The following LRRC49 variants were observed in gnomAD, a reference collection of about 807,000 sequenced individuals.
LRRC49 encodes leucine-rich repeat-containing protein 49.
In LRRC49, 50 loss-of-function variants were observed where a neutral mutation model predicts 83.3. The ratio of observed to expected loss-of-function variants is 0.60; its 90% CI spans 0.48 to 0.76. The LOEUF is 0.76. Ranked by LOEUF, LRRC49 falls within the 30% of genes least tolerant of loss-of-function variation. The probability of loss-of-function intolerance (pLI) is 0.00; values close to 1 mark genes in which losing one functional copy is unlikely to be tolerated. For missense variants in LRRC49, 704 were observed against 809.1 expected, an observed-to-expected ratio of 0.87 and a Z score of 1.58; for synonymous variants, 286 against 283.3, an observed-to-expected ratio of 1.01 and a Z score of -0.10.
intron 7 of LRRC49, among the ~76,000 whole-genome samples, chr15:70,924,400 C>CT (rs2035120065): frequency 6.6e-6 from 1 of 151,676 alleles, no homozygotes; most frequent in African/African-American, 2.4e-5. Flanking sequence ...TTTCTTCTGT[C>CT]TTATTTTGGG....
At chr15:70,962,012 C>A (rs993688026) in intron 8 of LRRC49, among the ~76,000 whole-genome samples, 1 of 152,086 alleles carries the variant, frequency 6.6e-6, no homozygotes, top group Non-Finnish European at 1.5e-5. Flanking sequence ...AGGCACTGAT[C>A]TAAGAAACTT....
intron 6 of LRRC49, among the ~76,000 whole-genome samples, chr15:70,916,759 G>A (rs958204624): frequency 6.6e-5 from 10 of 152,132 alleles, no homozygotes; most frequent in Non-Finnish European, 1.2e-4. Flanking sequence ...GGAGCTCCCC[G>A]GGTGCTGCTG....
chr15:70,899,403 A>T (rs1011233015), intron 3 of LRRC49, among the ~76,000 whole-genome samples: 3 of 151,956 alleles, frequency 2.0e-5, no homozygotes, highest in Non-Finnish European at 4.4e-5. Flanking sequence ...TTGTTTTTTT[A>T]ACCATCTTGA....
At chr15:70,891,705 C>A (rs531065662), upstream of LRRC49, 19 of 751,952 alleles carry the variant, frequency 2.5e-5, 1 homozygote, top group South Asian at 3.7e-4. Flanking sequence ...TGGAGATCAC[C>A]TCTAAAGCAC....
chr15:71,008,746 T>G, intron 12 of LRRC49, 130 bp downstream of exon 12: 2 of 633,508 alleles, frequency 3.2e-6, no homozygotes, highest in South Asian at 4.5e-5. Flanking sequence ...TTTGTGTTGA[T>G]TTTCTTGAGC....
Position 70,963,941 on chromosome 15 carries a change from C to G in LRRC49, c.921+9C>G, listed in dbSNP as rs764409802. Reference sequence around the variant, plus strand: ...ATATGAAGAGAATCACGGTGAGAACCCTTCCAAAGTGTTCACCATGTTGTT... The same window carrying G: ...ATATGAAGAGAATCACGGTGAGAACGCTTCCAAAGTGTTCACCATGTTGTT... On this transcript the variant is annotated intron_variant, in intron 9 of 15. Coordinates refer to ENST00000260382, the MANE Select transcript of LRRC49 (RefSeq NM_017691.5). 6.2e-7 allele frequency: 1 copy of G among 1,610,754 alleles called. No individual in the cohort carries two copies. The highest frequency in any genetic ancestry group is 1.1e-5 in the South Asian group (1 of 90,368).
chr15:70,912,181 G>A (rs1205579888), intron 6 of LRRC49, among the ~76,000 whole-genome samples: 1 of 151,980 alleles, frequency 6.6e-6, no homozygotes, highest in African/African-American at 2.4e-5. Context: ...TATGTTCCAT[G>A]GTAAGACTAT....
At chr15:70,906,556 C>A (rs551907658) in intron 5 of LRRC49, among the ~76,000 whole-genome samples, 1 of 152,326 alleles carries the variant, frequency 6.6e-6, no homozygotes, top group South Asian at 2.1e-4. Flanking sequence ...TTAAGCACTG[C>A]TCCTGGTTCC....
intron 9 of LRRC49, among the ~76,000 whole-genome samples, chr15:70,974,354 G>A (rs1024180415): frequency 5.3e-5 from 8 of 152,142 alleles, no homozygotes; most frequent in Admixed American, 6.5e-5. Context: ...TGAGTAAATT[G>A]TATGACATGG....
intron 8 of LRRC49, among the ~76,000 whole-genome samples, chr15:70,941,782 T>C (rs1392210892): frequency 6.6e-6 from 1 of 152,194 alleles, no homozygotes; most frequent in Non-Finnish European, 1.5e-5. Context: ...CATTATAAAG[T>C]GGAGAGTGCT....
At chr15:70,964,385 A>C (rs2036718490) in intron 9 of LRRC49, among the ~76,000 whole-genome samples, 1 of 152,086 alleles carries the variant, frequency 6.6e-6, no homozygotes, top group South Asian at 2.1e-4. Context: ...GATCAGAATT[A>C]AGTCATAGGT....
intron 15 of LRRC49, among the ~76,000 whole-genome samples, chr15:71,041,311 CAA>C (rs747463532): frequency 2.4e-4 from 36 of 151,966 alleles, no homozygotes; most frequent in Admixed American, 1.9e-3. Context: ...TGCAATGAAA[CAA>C]GAGAAGGAAA....
chr15:70,882,555 T>C (rs1275048703), intron 2 of LRRC49: 1 of 1,613,936 alleles, frequency 6.2e-7, no homozygotes, highest in Non-Finnish European at 8.5e-7. Flanking sequence ...CTGGAGTAAA[T>C]GTCAAAGAGA....
intron 1 of LRRC49, among the ~76,000 whole-genome samples, chr15:70,866,109 GTAAAGTATT>G (rs1313564389): frequency 6.8e-6 from 1 of 147,878 alleles, no homozygotes; most frequent in Non-Finnish European, 1.5e-5. Context: ...TCTGGTACAT[GTAAAGTATT>G]TATTTATTTA....
At chr15:70,877,414 T>C (rs1774412365) in intron 2 of LRRC49, among the ~76,000 whole-genome samples, 1 of 152,252 alleles carries the variant, frequency 6.6e-6, no homozygotes, top group Non-Finnish European at 1.5e-5. Flanking sequence ...TAGATTTTTT[T>C]CTTTTCTAGA....
intron 4 of LRRC49, 150 bp downstream of exon 4, chr15:70,901,174 G>A (rs1302462040): frequency 1.9e-6 from 1 of 536,892 alleles, no homozygotes; most frequent in Non-Finnish European, 3.3e-6. Flanking sequence ...CCAGTTTTTT[G>A]CTTCTCCTTC....
At chr15:70,953,539 G>C (rs1319841831) in intron 8 of LRRC49, among the ~76,000 whole-genome samples, 1 of 152,134 alleles carries the variant, frequency 6.6e-6, no homozygotes, top group African/African-American at 2.4e-5. Context: ...TTTTTCTCTA[G>C]ATGCTTTTAA....
chr15:70,938,630 T>C (rs1372729371), intron 8 of LRRC49, among the ~76,000 whole-genome samples: 1 of 152,310 alleles, frequency 6.6e-6, no homozygotes, highest in East Asian at 1.9e-4. Flanking sequence ...TACAGATATC[T>C]CAGATAGCTG....
rs2034222096 is a variant in LRRC49, at chr15:70,904,602, T to C, written c.347T>C (p.Leu116Ser). 4 of 1,613,830 alleles carry C rather than the reference T, an allele frequency of 2.5e-6. No individual in the cohort carries two copies. The highest frequency in any genetic ancestry group is 1.3e-5 in the African/African-American group (1 of 75,060). Reference protein sequence around the residue: ...PIINGEDHLRLLNFQHNFITR... With the variant: ...PIINGEDHLRSLNFQHNFITR... Reference sequence around the variant, plus strand: ...ATCAATGGGGAAGACCACCTTCGTTTGTTGAACTTTCAACACAATTTTATA... The same window carrying C: ...ATCAATGGGGAAGACCACCTTCGTTCGTTGAACTTTCAACACAATTTTATA... Residue 116 changes from leucine (L) to serine (S), a missense_variant, in exon 5 of 16, where the codon TTG (leucine) becomes TCG (serine). By Grantham distance (145) the Leu-to-Ser change is moderately radical. Coordinates refer to ENST00000260382, the MANE Select transcript of LRRC49 (RefSeq NM_017691.5).
Sources: gnomAD v4.1 joint callset for allele counts (sites outside exome capture counted in the v4.1 genomes callset) on GRCh38, gnomAD v4.1.1 for gene constraint, MANE v1.5 for transcripts, NCBI Gene and HGNC (gene_info 2026-07-23, HGNC 2026-07-21) for gene names.